SLC25A48: variants seen among roughly 807,000 people sequenced by gnomAD.
The protein encoded by SLC25A48 is solute carrier family 25 member 48.
SLC25A48 carries 29 observed loss-of-function variants against 32.2 expected under a neutral mutation model. The observed-to-expected ratio is 0.90, with a 90% CI of 0.67 to 1.23. SLC25A48 has a LOEUF of 1.23. SLC25A48 is among the 50% of genes most tolerant of loss of function. SLC25A48 has a pLI of 0.00. For missense variants in SLC25A48, 399 were observed against 422.7 expected, an observed-to-expected ratio of 0.94 and a Z score of 0.49; for synonymous variants, 164 against 172.3, an observed-to-expected ratio of 0.95 and a Z score of 0.38.
intron 3 of SLC25A48, among the ~76,000 whole-genome samples, chr5:135,806,836 A>C (rs534250175): frequency 8.1e-4 from 122 of 150,362 alleles, no homozygotes; most frequent in Non-Finnish European, 1.4e-3. Flanking sequence ...TCAGTGTGTT[A>C]ACATTAGGTA....
chr5:135,579,533 G>A (rs560776966), exon 1 of SLC25A48: 7 of 152,532 alleles, frequency 4.6e-5, no homozygotes, highest in African/African-American at 1.7e-4. Context: ...TCTGGACAGG[G>A]GCTTGTCATA....
chr5:135,769,265 G>A (rs74291918), intron 3 of SLC25A48, among the ~76,000 whole-genome samples: 1 of 145,036 alleles, frequency 6.9e-6, no homozygotes, highest in African/African-American at 2.6e-5. Context: ...ATATTGGGGG[G>A]GGAGAATGAT....
At chr5:135,671,420 T>C (rs4976312) in intron 3 of SLC25A48, among the ~76,000 whole-genome samples, 28,683 of 152,238 alleles carry the variant, frequency 0.19, 2,922 homozygotes, top group Middle Eastern at 0.3. Context: ...TTTCTTGCTC[T>C]GGTTTGGGGT....
chr5:135,637,521 C>G (rs959420300), intron 3 of SLC25A48, among the ~76,000 whole-genome samples: 7 of 152,156 alleles, frequency 4.6e-5, no homozygotes, highest in Non-Finnish European at 8.8e-5. Flanking sequence ...TTATTCATGG[C>G]CCCTAACTCC....
At chr5:135,694,670 A>T (rs1202060832) in intron 3 of SLC25A48, among the ~76,000 whole-genome samples, 1 of 152,002 alleles carries the variant, frequency 6.6e-6, no homozygotes, top group African/African-American at 2.4e-5. Context: ...ATCTTGGCTC[A>T]CTGCAACCTC....
chr5:135,661,638 C>T lies in SLC25A48; in HGVS notation c.-521+26682C>T, dbSNP rs535027674. Among the ~76,000 whole-genome samples, 12 of 152,290 alleles carry T rather than the reference C, an allele frequency of 7.9e-5. No individual in the cohort carries two copies. In the East Asian group the frequency reaches 2.1e-3, roughly 27 times the overall value. On this transcript the variant is annotated intron_variant, in intron 3 of 10. Transcript: ENST00000646290. ...CCCGGTCCTTTTCTCAAGGAGTAAC[C>T]ACTATCAACTGACTGGTGTGTGTCT...
chr5:135,750,337 G>A (rs1282754590), intron 3 of SLC25A48, among the ~76,000 whole-genome samples: 1 of 152,056 alleles, frequency 6.6e-6, no homozygotes, highest in East Asian at 1.9e-4. Flanking sequence ...GTTTCACCTG[G>A]GCTCCCTTAA....
intron 3 of SLC25A48, among the ~76,000 whole-genome samples, chr5:135,799,272 G>C (rs1757262169): frequency 6.6e-6 from 1 of 151,534 alleles, no homozygotes; most frequent in Non-Finnish European, 1.5e-5. Context: ...GGGAGGGAGA[G>C]GATAATATTA....
chr5:135,721,525 G>C (rs1181300068), intron 3 of SLC25A48, among the ~76,000 whole-genome samples: 1 of 152,066 alleles, frequency 6.6e-6, no homozygotes, highest in Non-Finnish European at 1.5e-5. Context: ...TTTAACTGGA[G>C]TTGTTCCACT....
At chr5:135,836,766 G>A (rs12513723) in intron 1 of SLC25A48, among the ~76,000 whole-genome samples, 20,301 of 152,062 alleles carry the variant, frequency 0.13, 1,771 homozygotes, top group Middle Eastern at 0.2. Context: ...GGTAGGTACC[G>A]TTGCATCCTT....
At chr5:135,670,764 A>G (rs1753636663) in intron 3 of SLC25A48, among the ~76,000 whole-genome samples, 1 of 152,158 alleles carries the variant, frequency 6.6e-6, no homozygotes, top group South Asian at 2.1e-4. Context: ...TACTGACGTC[A>G]TGGAAGCAGA....
chr5:135,581,908 G>T (rs546980116), intron 1 of SLC25A48, among the ~76,000 whole-genome samples: 2 of 152,342 alleles, frequency 1.3e-5, no homozygotes, highest in Non-Finnish European at 2.9e-5. Context: ...CACCTTCAGG[G>T]CACAGACTGT....
At chr5:135,598,117 A>G (rs1211251834) in intron 1 of SLC25A48, among the ~76,000 whole-genome samples, 2 of 152,188 alleles carry the variant, frequency 1.3e-5, no homozygotes, top group Non-Finnish European at 2.9e-5. Flanking sequence ...ACTCAATGCA[A>G]AGTGTTACCC....
At chr5:135,685,280 T>G (rs1169222861) in intron 3 of SLC25A48, among the ~76,000 whole-genome samples, 2 of 151,084 alleles carry the variant, frequency 1.3e-5, no homozygotes, top group Non-Finnish European at 3.0e-5. Flanking sequence ...GTGGATTTTG[T>G]AGAAACTCTT....
intron 3 of SLC25A48, chr5:135,650,580 A>T: frequency 2.9e-6 from 1 of 346,742 alleles, no homozygotes; most frequent in Admixed American, 3.9e-5. Context: ...CAACAACAGA[A>T]CTCTTTCTTT....
chr5:135,815,376 A>G (rs1301295759), intron 4 of SLC25A48, among the ~76,000 whole-genome samples: 2 of 152,172 alleles, frequency 1.3e-5, no homozygotes, highest in African/African-American at 4.8e-5. Context: ...CGGGAGGTGG[A>G]GCTCAGGTGG....
At chr5:135,770,852 T>C (rs1756389144) in intron 3 of SLC25A48, among the ~76,000 whole-genome samples, 1 of 150,934 alleles carries the variant, frequency 6.6e-6, no homozygotes, top group Non-Finnish European at 1.5e-5. Context: ...GGAGTGTATA[T>C]TACTCCCAAT....
At chr5:135,795,182 A>G (rs1210642852) in intron 3 of SLC25A48, among the ~76,000 whole-genome samples, 2 of 151,816 alleles carry the variant, frequency 1.3e-5, no homozygotes, top group Admixed American at 6.6e-5. Context: ...AGGGGTGTAC[A>G]CCCACCATGT....
intron 3 of SLC25A48, among the ~76,000 whole-genome samples, chr5:135,851,497 C>T (rs777169715): frequency 2.0e-5 from 3 of 152,112 alleles, no homozygotes; most frequent in Non-Finnish European, 2.9e-5. Context: ...ACATAGCAGC[C>T]CATGGCTAAG....
Sources: gnomAD v4.1 joint callset for allele counts (sites outside exome capture counted in the v4.1 genomes callset) on GRCh38, gnomAD v4.1.1 for gene constraint, MANE v1.5 for transcripts, NCBI Gene and HGNC (gene_info 2026-07-23, HGNC 2026-07-21) for gene names.